UTP25: variants seen among roughly 807,000 people sequenced by gnomAD.
UTP25 encodes the protein U3 small nucleolar RNA-associated protein 25 homolog.
UTP25 carries 50 observed loss-of-function variants against 78.9 expected under a neutral mutation model. The observed-to-expected ratio is 0.63, with a 90% CI of 0.50 to 0.80. The LOEUF is 0.80. UTP25 is among the 30% of genes least tolerant of loss of function. The pLI is 0.00. For missense variants in UTP25, 846 were observed against 911.3 expected (o/e 0.93, Z 0.92); for synonymous variants, 329 against 336.5 (o/e 0.98, Z 0.24).
rs1277903253 is a variant in UTP25, at chr1:209,854,769, G to A, written c.*3322G>A. 6.6e-6 allele frequency: 1 copy of A among 152,242 alleles called. No homozygotes were observed. The highest frequency in any genetic ancestry group is 2.4e-5 in the African/African-American group (1 of 41,448). 9.4% of individuals were successfully genotyped at this position (152,242 alleles called of 1,614,324 possible). A position where few individuals can be genotyped will look rare whatever the true frequency, so the allele number is the denominator to read the frequency against. On this transcript the variant is annotated 3_prime_UTR_variant, in exon 12 of 12. Transcript: ENST00000491415. ...TGAAGAGCCTCATTGTCCAACTGCA[G>A]GGGCCTGAGGTGCCCAAAGCTTCGT... is the stretch of plus-strand genomic sequence containing the variant.
Position 209,840,945 on chromosome 1 carries a change from A to G in UTP25, c.1375A>G (p.Ile459Val), listed in dbSNP as rs972391953. 5 of 1,613,958 alleles carry G rather than the reference A, an allele frequency of 3.1e-6. No individual in the cohort carries two copies. In the African/African-American group the frequency reaches 4.0e-5, roughly 13 times the overall value. ...IASPLGLRTI[I>V]GGEGEKKRDF... ...TTCCCCCCTGGGCTTGAGGACCATC[A>G]TTGGTGGAGAAGGAGAGAAGAAGAG... Residue 459 changes from isoleucine to valine, a missense_variant, in exon 8 of 12, where the codon ATT becomes GTT. Coordinates refer to ENST00000491415, the MANE Select transcript of UTP25 (RefSeq NM_014388.7).
chr1:209,838,923 G>A lies in UTP25; in HGVS notation c.1077G>A (p.Val359=). Residue 359 remains valine, a synonymous_variant, in exon 7 of 12, where the codon GTG becomes GTA. Coordinates refer to ENST00000491415, the MANE Select transcript of UTP25 (RefSeq NM_014388.7). ...GLTRPKVLIV[V]PFREAALRVV... ...TGTCTGCACAGGTACTGATAGTGGT[G>A]CCATTCCGGGAAGCTGCTTTGCGGG... 1 of 1,614,040 alleles carries A rather than the reference G, an allele frequency of 6.2e-7. No homozygotes were observed.
intron 3 of UTP25, 90 bp from the exon 4 acceptor site, chr1:209,833,095 A>T: frequency 8.2e-7 from 1 of 1,226,364 alleles, no homozygotes; most frequent in Non-Finnish European, 1.1e-6. Flanking sequence ...AATGAACGCT[A>T]TTGTTGGTAT....
At chr1:209,829,509 G>T in intron 1 of UTP25, among the ~76,000 whole-genome samples, 1 of 150,554 alleles carries the variant, frequency 6.6e-6, no homozygotes. Flanking sequence ...TTTGAGGCAG[G>T]GTCTCACTTC....
chr1:209,851,574 T>C lies in UTP25; in HGVS notation c.*127T>C. ...AAGAAAGTGCATGAGGCAATGTCAGTATTATCTGACATCTTTCTTTTCAGG... is the reference window on the plus strand; with the variant it reads ...AAGAAAGTGCATGAGGCAATGTCAGCATTATCTGACATCTTTCTTTTCAGG... On this transcript the variant is annotated 3_prime_UTR_variant, in exon 12 of 12. Transcript: ENST00000491415. The C allele has an allele frequency of 8.3e-7, 1 of 1,211,704 alleles. No homozygotes were observed. Among genetic ancestry groups the C allele is most frequent in the Non-Finnish European group, 1.1e-6 (1 of 890,798 alleles). 75.1% of individuals were successfully genotyped at this position (1,211,704 alleles called of 1,614,324 possible). A position where few individuals can be genotyped will look rare whatever the true frequency, so the allele number is the denominator to read the frequency against.
In UTP25 at chr1:209,851,584, C is replaced by T; in HGVS notation, c.*137C>T. ...ATGAGGCAATGTCAGTATTATCTGA[C>T]ATCTTTCTTTTCAGGTCATGTGTCC... On this transcript the variant is annotated 3_prime_UTR_variant, in exon 12 of 12. Coordinates refer to ENST00000491415, the MANE Select transcript of UTP25 (RefSeq NM_014388.7). 8.6e-7 allele frequency: 1 copy of T among 1,161,800 alleles called. No homozygotes were observed. 72.0% of individuals were successfully genotyped at this position (1,161,800 alleles called of 1,614,324 possible).
In UTP25 at chr1:209,843,511, G is replaced by A. The variant is rs138167313; in HGVS notation, c.1842G>A (p.Thr614=). 6.7e-5 allele frequency: 108 copies of A among 1,613,980 alleles called. No individual in the cohort carries two copies. Among genetic ancestry groups the A allele is most frequent in the Non-Finnish European group, 4.8e-5 (57 of 1,180,026 alleles). ...ATCGTGATGCAGTCATGTCTCACACGCTCATCTATATCCCCTCCTACTTTG... is the reference window on the plus strand; with the variant it reads ...ATCGTGATGCAGTCATGTCTCACACACTCATCTATATCCCCTCCTACTTTG... ...PQYRDAVMSH[T]LIYIPSYFDF... Residue 614 remains threonine, a synonymous_variant, in exon 11 of 12, where the codon ACG becomes ACA. Coordinates refer to ENST00000491415, the MANE Select transcript of UTP25 (RefSeq NM_014388.7).
In UTP25 at chr1:209,842,624, T is replaced by C. The variant is rs758539537; in HGVS notation, c.1710T>C (p.His570=). Residue 570 remains histidine, a synonymous_variant, in exon 10 of 12, where the codon CAT becomes CAC. Transcript: ENST00000491415. Reference sequence around the variant, plus strand: ...TCCCAATGACAGGCTCTATCAGTCATGTCCTGGTGCAGCTCCCACATGTCT... The same window carrying C: ...TCCCAATGACAGGCTCTATCAGTCACGTCCTGGTGCAGCTCCCACATGTCT... ...RNVPMTGSIS[H]VLVQLPHVFQ... The C allele has an allele frequency of 2.5e-6, 4 of 1,613,966 alleles. No homozygotes were observed. The highest frequency in any genetic ancestry group is 1.1e-5 in the South Asian group (1 of 91,016).
chr1:209,839,267 T>C (rs963178213), intron 7 of UTP25, 139 bp downstream of exon 7: 12 of 839,256 alleles, frequency 1.4e-5, no homozygotes, highest in African/African-American at 1.4e-4. Flanking sequence ...TGAGACATGT[T>C]GTTTGCCATG....
chr1:209,830,668 A>G lies in UTP25; in HGVS notation c.148-135A>G, dbSNP rs1036425610. On this transcript the variant is annotated intron_variant, in intron 2 of 11. Coordinates refer to ENST00000491415, the MANE Select transcript of UTP25 (RefSeq NM_014388.7). The stretch of plus-strand genomic sequence containing the variant: ...TTTGGAGCATATGAAGAGCTTCTAG[A>G]ATCATAGCTAGATTAGCAATTTTAA... 2.2e-6 allele frequency: 3 copies of G among 1,393,132 alleles called. No individual in the cohort carries two copies. In the African/African-American group the frequency reaches 4.4e-5, roughly 20 times the overall value. 86.3% of individuals were successfully genotyped at this position (1,393,132 alleles called of 1,614,324 possible). A position where few individuals can be genotyped will look rare whatever the true frequency, so the allele number is the denominator to read the frequency against.
Position 209,837,127 on chromosome 1 carries a change from T to G in UTP25, c.978T>G (p.Leu326=). The G allele has an allele frequency of 2.5e-6, 4 of 1,614,158 alleles. No homozygotes were observed. Among genetic ancestry groups the G allele is most frequent in the Non-Finnish European group, 3.4e-6 (4 of 1,180,012 alleles). The change falls in exon 6 of 12, where the codon CTT becomes CTG. Residue 326 remains leucine, a synonymous_variant. Transcript: ENST00000491415. ...NHILKANAQV[L]GNNSRRRSQK... is the part of the protein sequence containing the mutation. Reference sequence around the variant, plus strand: ...TCCTCAAAGCCAATGCCCAGGTGCTTGGCAACAATAGCAGACGCCGAAGCC... The same window carrying G: ...TCCTCAAAGCCAATGCCCAGGTGCTGGGCAACAATAGCAGACGCCGAAGCC...
Position 209,839,003 on chromosome 1 carries a change from T to C in UTP25, c.1157T>C (p.Val386Ala), listed in dbSNP as rs1425432420. The change falls in exon 7 of 12, where the codon GTG becomes GCG. Residue 386 changes from valine (V) to alanine (A), a missense_variant. Val to Ala is a moderately conservative substitution (Grantham distance 64). Coordinates refer to ENST00000491415, the MANE Select transcript of UTP25 (RefSeq NM_014388.7). Reference protein sequence around the residue: ...LEGDSKKKIIVSNKKRFQGEY... With the variant: ...LEGDSKKKIIASNKKRFQGEY... ...GGTGACAGCAAGAAGAAAATCATTGTGAGCAACAAAAAGAGGTTTCAGGGA... is the reference window on the plus strand; with the variant it reads ...GGTGACAGCAAGAAGAAAATCATTGCGAGCAACAAAAAGAGGTTTCAGGGA... 1.9e-6 allele frequency: 3 copies of C among 1,614,084 alleles called. No individual in the cohort carries two copies. The highest frequency in any genetic ancestry group is 1.3e-5 in the African/African-American group (1 of 75,028).
intron 8 of UTP25, 105 bp downstream of exon 8, chr1:209,841,160 CT>C: frequency 6.4e-6 from 8 of 1,250,254 alleles, no homozygotes; most frequent in Non-Finnish European, 7.8e-6. Flanking sequence ...GATTAGAACT[CT>C]TGTTTGGAAG....
At chr1:209,838,408 A>AC (rs71143898) in intron 6 of UTP25, among the ~76,000 whole-genome samples, 152,369 of 152,370 alleles carry the variant, frequency 1, 76,184 homozygotes, top group Middle Eastern at 1. Context: ...GAAACACTGT[A>AC]TAGAGAATGC....
Position 209,842,683 on chromosome 1 carries a change from T to G in UTP25, c.1769T>G (p.Val590Gly). ...ATGGAAGCTGAAAACCTAGCTTCAGTGATTGATGCCAGGTAACCCACTCCT... is the reference window on the plus strand; with the variant it reads ...ATGGAAGCTGAAAACCTAGCTTCAGGGATTGATGCCAGGTAACCCACTCCT... ...QRMEAENLAS[V>G]IDARFNFFVN... The change falls in exon 10 of 12, where the codon GTG (valine) becomes GGG (glycine). Residue 590 changes from valine to glycine, a missense_variant. Transcript: ENST00000491415. 1 of 1,611,542 alleles carries G rather than the reference T, an allele frequency of 6.2e-7. No individual in the cohort carries two copies. Among genetic ancestry groups the G allele is most frequent in the Non-Finnish European group, 8.5e-7 (1 of 1,179,092 alleles).
intron 11 of UTP25, among the ~76,000 whole-genome samples, chr1:209,850,123 C>T (rs541337303): frequency 4.8e-4 from 73 of 152,332 alleles, no homozygotes; most frequent in African/African-American, 1.6e-3. Context: ...AGAAAAGGAA[C>T]ATTTTTGTAT....
chr1:209,836,396 C>T (rs991942287), intron 5 of UTP25, among the ~76,000 whole-genome samples: 13 of 152,182 alleles, frequency 8.5e-5, no homozygotes, highest in Non-Finnish European at 2.9e-5. Context: ...TGTACATTGT[C>T]AATCTCCCTC....
rs771675904 is a variant in UTP25 at position 209,833,181 on chromosome 1, G to A, written c.389-4G>A. 2.5e-6 allele frequency: 4 copies of A among 1,607,808 alleles called. No individual in the cohort carries two copies. The Admixed American group carries it at 5.1e-5, about 21-fold the overall frequency. The stretch of plus-strand genomic sequence containing the variant: ...ATTTTATAAAATGTTTCTCAAAACT[G>A]CAGATGTAGCTTTATCTGCTGACCC... On this transcript the variant is annotated splice_region_variant and splice_polypyrimidine_tract_variant and intron_variant, in intron 3 of 11. Transcript: ENST00000491415.
rs1170930382 is a variant in UTP25 at position 209,857,238 on chromosome 1, T to TG, written c.*5791_*5792insG. Reference sequence around the variant, plus strand: ...TGTTTCTGAAGCTGTACGGTACAAATTTTTTTTTTCCCCACTTAAGGCTCA... The same window carrying TG: ...TGTTTCTGAAGCTGTACGGTACAAATGTTTTTTTTTCCCCACTTAAGGCTCA... On this transcript the variant is annotated 3_prime_UTR_variant, in exon 12 of 12. Transcript: ENST00000491415. 3 of 150,416 alleles carry TG rather than the reference T, an allele frequency of 2.0e-5. No individual in the cohort carries two copies. Among genetic ancestry groups the TG allele is most frequent in the Admixed American group, 6.6e-5 (1 of 15,040 alleles). 9.3% of individuals were successfully genotyped at this position (150,416 alleles called of 1,614,324 possible). A position where few individuals can be genotyped will look rare whatever the true frequency, so the allele number is the denominator to read the frequency against.
Sources: gnomAD v4.1 joint callset for allele counts (sites outside exome capture counted in the v4.1 genomes callset) on GRCh38, gnomAD v4.1.1 for gene constraint, MANE v1.5 for transcripts, NCBI Gene and HGNC (gene_info 2026-07-23, HGNC 2026-07-21) for gene names.